REV3L: variants seen among roughly 807,000 people sequenced by gnomAD.
REV3L encodes REV3 like, DNA directed polymerase zeta catalytic subunit.
Under a neutral mutation model 299.4 loss-of-function variants are expected in REV3L, and 69 were observed. The ratio of observed to expected loss-of-function variants is 0.23; its 90% CI spans 0.19 to 0.28. The LOEUF is 0.28. REV3L is among the 10% of genes least tolerant of loss of function. The pLI is 1.00. For synonymous variants in REV3L, 1,238 were observed against 1,271.4 expected (o/e 0.97, Z 0.56); for missense variants, 3,128 against 3,693.8 (o/e 0.85, Z 3.97).
intron 1 of REV3L, among the ~76,000 whole-genome samples, chr6:111,480,497 T>C (rs1346154241): frequency 6.6e-6 from 1 of 152,144 alleles, no homozygotes; most frequent in African/African-American, 2.4e-5. Flanking sequence ...TCTGCAGTTT[T>C]TGATTATGTT....
rs1444326671 is a variant in REV3L at position 111,372,578 on chromosome 6, G to GA, written c.5759+17dup. 1 of 1,469,462 alleles carries GA rather than the reference G, an allele frequency of 6.8e-7. No homozygotes were observed. Among genetic ancestry groups the GA allele is most frequent in the Non-Finnish European group, 9.0e-7 (1 of 1,109,486 alleles). 91.0% of individuals were successfully genotyped at this position (1,469,462 alleles called of 1,614,324 possible). ...CATAATAATTCAGAGTGACCCAAGG[G>GA]AAAAAATAACTGATTACCTGGGCTT... On this transcript the variant is annotated intron_variant, in intron 13 of 31. Transcript: ENST00000368802.
chr6:111,365,191 A>G, intron 15 of REV3L, 74 bp downstream of exon 15: 1 of 963,766 alleles, frequency 1.0e-6, no homozygotes, highest in Non-Finnish European at 1.5e-6. Flanking sequence ...AGACAAAGTT[A>G]ACAATTATCT....
intron 1 of REV3L, among the ~76,000 whole-genome samples, chr6:111,466,847 A>G (rs1472215847): frequency 6.6e-6 from 1 of 152,238 alleles, no homozygotes; most frequent in African/African-American, 2.4e-5. Flanking sequence ...GTCTCAAAAA[A>G]TAAAATAAAA....
rs778027429 is a variant in REV3L, at chr6:111,375,116, C to T, written c.3239G>A (p.Arg1080Gln). The stretch of plus-strand genomic sequence containing the variant: ...GGGAGGAGAAAGAATAGCATGTGAC[C>T]GTTTTTTCCTGAAAGACAAAGTTCT... Reference protein sequence around the residue: ...IKRTLSFRKKRSHAILSPPSP... With the variant: ...IKRTLSFRKKQSHAILSPPSP... The change falls in exon 13 of 32, where the codon CGG becomes CAG. Residue 1080 changes from arginine to glutamine, a missense_variant. By Grantham distance (43) the Arg-to-Gln change is conservative. This residue lies in a region of REV3L where 2,409 missense variants were observed against 2,611.8 expected (regional missense o/e 0.92). Coordinates refer to ENST00000368802, the MANE Select transcript of REV3L (RefSeq NM_001372078.1). 12 of 1,609,576 alleles carry T rather than the reference C, an allele frequency of 7.5e-6. No homozygotes were observed. The highest frequency in any genetic ancestry group is 3.4e-5 in the South Asian group (3 of 89,524).
intron 31 of REV3L, among the ~76,000 whole-genome samples, chr6:111,305,521 A>G (rs949665247): frequency 8.5e-5 from 13 of 152,112 alleles, no homozygotes; most frequent in Admixed American, 7.9e-4. Context: ...CAGGAGGTTG[A>G]GGCTGCAATG....
At chr6:111,418,744 T>G (rs1017996849) in intron 1 of REV3L, among the ~76,000 whole-genome samples, 1 of 152,204 alleles carries the variant, frequency 6.6e-6, no homozygotes, top group African/African-American at 2.4e-5. Flanking sequence ...AGTTTTTATT[T>G]TTTATTATAA....
intron 9 of REV3L, among the ~76,000 whole-genome samples, chr6:111,387,351 G>C (rs1041970635): frequency 2.0e-5 from 3 of 152,212 alleles, no homozygotes; most frequent in Middle Eastern, 3.4e-3. Context: ...GGAGACGTTT[G>C]CACAACTTTG....
intron 20 of REV3L, among the ~76,000 whole-genome samples, chr6:111,344,537 C>T (rs1370833538): frequency 3.3e-5 from 5 of 152,176 alleles, no homozygotes; most frequent in African/African-American, 1.2e-4. Context: ...TATAGAGCCA[C>T]TCAATTTCAT....
chr6:111,354,935 G>A (rs1039905385), intron 18 of REV3L, among the ~76,000 whole-genome samples: 4 of 152,138 alleles, frequency 2.6e-5, no homozygotes, highest in African/African-American at 7.2e-5. Context: ...GGGGCACGGA[G>A]GGGAAGGAAT....
chr6:111,360,633 G>C (rs977523902), intron 16 of REV3L: 1 of 151,612 alleles, frequency 6.6e-6, no homozygotes, highest in African/African-American at 2.4e-5. Context: ...ATATCACCAT[G>C]GCCAGCTAAT....
rs1310878761 is a variant in REV3L at position 111,343,932 on chromosome 6, G to C, written c.7531C>G (p.Leu2511Val). The change falls in exon 21 of 32, where the codon CTA becomes GTA. Residue 2511 changes from leucine (L) to valine (V), a missense_variant. Around this residue, in one of 9 missense-constraint regions of REV3L, gnomAD observed 149 missense variants for 286.4 expected, o/e 0.52. Transcript: ENST00000368802. ...LSDWFDNKTDLYRWKMVDHYV... is the reference protein window; with the variant it reads ...LSDWFDNKTDVYRWKMVDHYV... ...AGAGTTATAGAACAGTACCTGTATAGATCTGTCTTGTTATCAAACCAGTCT... is the reference window on the plus strand; with the variant it reads ...AGAGTTATAGAACAGTACCTGTATACATCTGTCTTGTTATCAAACCAGTCT... The C allele has an allele frequency of 1.8e-5, 28 of 1,579,160 alleles. No homozygotes were observed. In the South Asian group the frequency reaches 2.5e-4, roughly 14 times the overall value.
At chr6:111,460,120 C>T (rs950525658) in intron 1 of REV3L, among the ~76,000 whole-genome samples, 2 of 152,046 alleles carry the variant, frequency 1.3e-5, no homozygotes, top group Non-Finnish European at 2.9e-5. Context: ...TTTGCAACAA[C>T]ACGGATGCAG....
chr6:111,422,168 A>G (rs1025121730), intron 1 of REV3L, among the ~76,000 whole-genome samples: 1 of 152,322 alleles, frequency 6.6e-6, no homozygotes, highest in South Asian at 2.1e-4. Flanking sequence ...AAGATAATCT[A>G]AATTTCCAAA....
rs1448129606 is a variant in REV3L, at chr6:111,378,694, CAA to C, written c.1455-853_1455-852del. ...TTCATAGTTGTCTTCTTGTAATACA[CAA>C]ACTCTTTCAACTTCCATACATGATT... On this transcript the variant is annotated intron_variant, in intron 11 of 31. Coordinates refer to ENST00000368802, the MANE Select transcript of REV3L (RefSeq NM_001372078.1). Among the ~76,000 whole-genome samples the C allele has an allele frequency of 5.3e-5, 8 of 152,304 alleles. No homozygotes were observed. The South Asian group carries it at 1.0e-3, about 20-fold the overall frequency.
At chr6:111,300,177 C>CA (rs762071262) in intron 31 of REV3L, 21 bp from the exon 32 acceptor site, 6 of 1,543,818 alleles carry the variant, frequency 3.9e-6, no homozygotes, top group Non-Finnish European at 5.2e-6. Context: ...AAGAGAAATA[C>CA]AAAAAATAAT....
chr6:111,304,470 T>C (rs140984707), intron 31 of REV3L, among the ~76,000 whole-genome samples: 195 of 152,120 alleles, frequency 1.3e-3, no homozygotes, highest in African/African-American at 4.5e-3. Flanking sequence ...TCATTACATC[T>C]CTAGTAATTT....
chr6:111,399,639 T>C (rs1782883737), intron 4 of REV3L, among the ~76,000 whole-genome samples: 1 of 152,084 alleles, frequency 6.6e-6, no homozygotes, highest in African/African-American at 2.4e-5. Flanking sequence ...CAACTCCCAA[T>C]TTGGGTTTGT....
intron 1 of REV3L, among the ~76,000 whole-genome samples, chr6:111,451,592 T>C (rs778989506): frequency 3.2e-4 from 49 of 152,140 alleles, no homozygotes; most frequent in Admixed American, 1.8e-3. Flanking sequence ...CTTCTACTGA[T>C]ACTCTGCCTA....
intron 20 of REV3L, chr6:111,348,993 C>T (rs1211425804): frequency 3.1e-6 from 1 of 319,228 alleles, no homozygotes; most frequent in Non-Finnish European, 5.6e-6. Flanking sequence ...CTAGTTATTG[C>T]TACCTTAGAC....
Sources: allele counts gnomAD v4.1 joint callset (sites outside exome capture counted in the v4.1 genomes callset), GRCh38; gene constraint gnomAD v4.1.1; regional missense constraint gnomAD v4.1.1; transcripts MANE v1.5; gene names NCBI Gene and HGNC (gene_info 2026-07-23, HGNC 2026-07-21).